The following AFF3 variants were observed in gnomAD, a reference collection of about 807,000 sequenced individuals.
AFF3 encodes ALF transcription elongation factor 3.
In AFF3, 32 loss-of-function variants were observed where a neutral mutation model predicts 129.7. That is an observed-to-expected ratio of 0.25 (90% CI 0.19 to 0.33). The LOEUF (loss-of-function observed/expected upper bound fraction) is 0.33, where lower values mean the gene tolerates loss of function less well. Ranked by LOEUF, AFF3 falls within the 10% of genes least tolerant of loss-of-function variation. The pLI, the probability that AFF3 is intolerant of heterozygous loss-of-function variation, is 1.00. For synonymous variants in AFF3, 644 were observed against 635.4 expected (o/e 1.01, Z -0.20); for missense variants, 1,373 against 1,592.0 (o/e 0.86, Z 2.34).
At chr2:99,876,585 A>G (rs1344020027) in intron 7 of AFF3, among the ~76,000 whole-genome samples, 1 of 152,138 alleles carries the variant, frequency 6.6e-6, no homozygotes, top group Admixed American at 6.5e-5. Flanking sequence ...CTCTTTACAT[A>G]GAACCCAGAG....
rs369279309 is a variant in AFF3, at chr2:99,819,423, G to A, written c.921+18054C>T. 5.9e-5 allele frequency among the ~76,000 whole-genome samples: 9 copies of A among 152,256 alleles called. No individual in the cohort carries two copies. The East Asian group carries it at 9.6e-4, about 16-fold the overall frequency. On this transcript the variant is annotated intron_variant, in intron 8 of 24. Transcript: ENST00000672756. ...TTGAGATTTCCTTTAAGTAAAGCTC[G>A]TCGCTAATGAATCTGGAAATATTCA...
rs868855512 is a variant in AFF3 at position 99,552,219 on chromosome 2, C to T, written c.3560-624G>A. On this transcript the variant is annotated intron_variant, in intron 24 of 24. Transcript: ENST00000672756. ...AGGACAACATGGCAAAACCCTGTCT[C>T]TACTAAAGATACAAACAAACATTAG... Among the ~76,000 whole-genome samples, 37 of 152,130 alleles carry T rather than the reference C, an allele frequency of 2.4e-4. 1 individual carries two copies. Among genetic ancestry groups the T allele is most frequent in the Non-Finnish European group, 4.3e-4 (29 of 68,038 alleles).
At chr2:99,836,473 A>G (rs1688882458) in intron 8 of AFF3, among the ~76,000 whole-genome samples, 1 of 152,180 alleles carries the variant, frequency 6.6e-6, no homozygotes, top group Non-Finnish European at 1.5e-5. Context: ...AATCTCTGCC[A>G]GAAAAAAAAT....
intron 12 of AFF3, among the ~76,000 whole-genome samples, chr2:99,651,191 A>T (rs1284987645): frequency 7.3e-6 from 1 of 136,348 alleles, no homozygotes; most frequent in South Asian, 2.4e-4. Flanking sequence ...AAAAAAAAAA[A>T]GGGCTCCATT....
At chr2:99,694,092 A>G (rs563008910) in intron 11 of AFF3, among the ~76,000 whole-genome samples, 70 of 151,916 alleles carry the variant, frequency 4.6e-4, no homozygotes, top group South Asian at 1.9e-3. Context: ...TAATTTTTGT[A>G]TTTTTAGTAG....
chr2:99,930,954 T>A (rs1418400447), intron 7 of AFF3, among the ~76,000 whole-genome samples: 2 of 152,208 alleles, frequency 1.3e-5, no homozygotes, highest in African/African-American at 4.8e-5. Flanking sequence ...ACTCAGTAAC[T>A]TGTCTAAGCA....
At chr2:99,756,733 C>G (rs528501573) in intron 8 of AFF3, among the ~76,000 whole-genome samples, 1 of 152,346 alleles carries the variant, frequency 6.6e-6, no homozygotes, top group South Asian at 2.1e-4. Context: ...ATAGCTAACA[C>G]TCTCAAAGAA....
At chr2:99,601,119 G>T (rs923712506) in intron 14 of AFF3, among the ~76,000 whole-genome samples, 2 of 152,184 alleles carry the variant, frequency 1.3e-5, no homozygotes, top group African/African-American at 4.8e-5. Flanking sequence ...CTGACCCCAA[G>T]GGAGACCTGA....
At chr2:99,941,939 C>A (rs1675076753) in intron 7 of AFF3, among the ~76,000 whole-genome samples, 1 of 152,140 alleles carries the variant, frequency 6.6e-6, no homozygotes, top group Non-Finnish European at 1.5e-5. Flanking sequence ...TTGTTAAAAC[C>A]ATTGATTTTC....
chr2:99,829,884 T>C (rs1688383331), intron 8 of AFF3, among the ~76,000 whole-genome samples: 1 of 152,172 alleles, frequency 6.6e-6, no homozygotes, highest in African/African-American at 2.4e-5. Context: ...CCAACCCAAA[T>C]GCTCATCAAT....
intron 7 of AFF3, among the ~76,000 whole-genome samples, chr2:99,956,093 T>C (rs923996066): frequency 1.3e-5 from 2 of 151,882 alleles, no homozygotes; most frequent in Non-Finnish European, 2.9e-5. Flanking sequence ...AAAAATCCAA[T>C]TGTATTTCAT....
intron 7 of AFF3, among the ~76,000 whole-genome samples, chr2:99,911,050 T>C (rs907544575): frequency 4.6e-5 from 7 of 152,254 alleles, no homozygotes; most frequent in Non-Finnish European, 4.4e-5. Flanking sequence ...AAAATGCTTC[T>C]GATTTGCGCA....
chr2:99,573,040 G>C (rs2104719399), intron 18 of AFF3, among the ~76,000 whole-genome samples: 1 of 152,350 alleles, frequency 6.6e-6, no homozygotes, highest in East Asian at 1.9e-4. Flanking sequence ...TGCTCTGCAG[G>C]ACGCTCAGGC....
intron 7 of AFF3, among the ~76,000 whole-genome samples, chr2:99,912,579 T>C (rs934825639): frequency 1.3e-5 from 2 of 152,136 alleles, no homozygotes; most frequent in Admixed American, 6.5e-5. Context: ...ATAAACATAG[T>C]TGTATTTCTC....
intron 21 of AFF3, 136 bp downstream of exon 21, chr2:99,560,229 T>G: frequency 4.5e-6 from 4 of 896,520 alleles, no homozygotes; most frequent in Non-Finnish European, 6.9e-6. Flanking sequence ...GTCTGGACTT[T>G]CCCTGGTCAT....
intron 7 of AFF3, among the ~76,000 whole-genome samples, chr2:99,971,989 G>C (rs1466254834): frequency 6.6e-6 from 1 of 152,182 alleles, no homozygotes. Context: ...CCATTAACAG[G>C]TGAAACAACT....
intron 11 of AFF3, among the ~76,000 whole-genome samples, chr2:99,705,436 A>G (rs1272653611): frequency 6.6e-6 from 1 of 152,128 alleles, no homozygotes; most frequent in African/African-American, 2.4e-5. Flanking sequence ...GGAGAAAAGG[A>G]TCAGGCATTT....
chr2:100,066,845 A>G (rs370918722), intron 4 of AFF3, among the ~76,000 whole-genome samples: 17 of 152,354 alleles, frequency 1.1e-4, no homozygotes, highest in African/African-American at 4.1e-4. Context: ...TTTTCAAAGC[A>G]TTTGCTAGTA....
intron 8 of AFF3, among the ~76,000 whole-genome samples, chr2:99,786,165 T>C (rs1484881682): frequency 6.6e-6 from 1 of 152,210 alleles, no homozygotes; most frequent in Non-Finnish European, 1.5e-5. Context: ...GGTAGGGAGA[T>C]GAAGGGTTTG....
Sources: allele counts gnomAD v4.1 joint callset (sites outside exome capture counted in the v4.1 genomes callset), GRCh38; gene constraint gnomAD v4.1.1; transcripts MANE v1.5; gene names NCBI Gene and HGNC (gene_info 2026-07-23, HGNC 2026-07-21).